Variants in TBC1D15 observed in about 807,000 individuals in gnomAD.
TBC1D15 encodes TBC1 domain family member 15.
In TBC1D15, 39 loss-of-function variants were observed where a neutral mutation model predicts 95.4. The observed-to-expected ratio is 0.41, with a 90% confidence interval of 0.32 to 0.53. The LOEUF is 0.53. Among genes scored for constraint, TBC1D15 ranks in the 20% least tolerant of loss-of-function variants. TBC1D15 has a pLI of 0.29. For synonymous variants in TBC1D15, 258 were observed against 261.3 expected, an observed-to-expected ratio of 0.99 and a Z score of 0.12; for missense variants, 733 against 794.3, an observed-to-expected ratio of 0.92 and a Z score of 0.93.
At chr12:71,919,387 C>T (rs1357436998) in intron 14 of TBC1D15, among the ~76,000 whole-genome samples, 1 of 151,952 alleles carries the variant, frequency 6.6e-6, no homozygotes, top group African/African-American at 2.4e-5. Flanking sequence ...AATGATTGAT[C>T]ATACCTTAGG....
At chr12:71,843,608 G>C (rs1261175496) in intron 1 of TBC1D15, among the ~76,000 whole-genome samples, 1 of 151,984 alleles carries the variant, frequency 6.6e-6, no homozygotes, top group Non-Finnish European at 1.5e-5. Context: ...GAGTTCTTTG[G>C]ATACAAGGGT....
chr12:71,915,467 A>G (rs1347373500), intron 12 of TBC1D15, among the ~76,000 whole-genome samples: 1 of 151,298 alleles, frequency 6.6e-6, no homozygotes, highest in Non-Finnish European at 1.5e-5. Flanking sequence ...AAAAAAAAAC[A>G]CAACTAAGAT....
At chr12:71,921,301 G>A (rs1287958781) in intron 15 of TBC1D15, 67 bp from the exon 16 acceptor site, 4 of 800,216 alleles carry the variant, frequency 5.0e-6, no homozygotes, top group Non-Finnish European at 7.3e-6. Flanking sequence ...GTAATAAATT[G>A]TTTATATAAT....
In TBC1D15 at chr12:71,839,773, G is replaced by A; in HGVS notation, c.-9G>A. 6.2e-7 allele frequency: 1 copy of A among 1,614,168 alleles called. No homozygotes were observed. The highest frequency in any genetic ancestry group is 8.5e-7 in the Non-Finnish European group (1 of 1,180,018). On this transcript the variant is annotated 5_prime_UTR_variant, in exon 1 of 17. Coordinates refer to ENST00000485960, the MANE Select transcript of TBC1D15 (RefSeq NM_001146213.3). ...TCTGCTACGTCATTACCAGGCACGC[G>A]CAGGAAACATGGCGGCGGCGGGTGT...
intron 1 of TBC1D15, among the ~76,000 whole-genome samples, chr12:71,858,585 T>A (rs908648473): frequency 1.3e-4 from 19 of 147,444 alleles, no homozygotes; most frequent in Middle Eastern, 3.2e-3. Context: ...AGATAGAGTC[T>A]CTTTGTTGCT....
chr12:71,879,386 C>T (rs990821274), intron 3 of TBC1D15, among the ~76,000 whole-genome samples: 2 of 152,166 alleles, frequency 1.3e-5, no homozygotes, highest in African/African-American at 4.8e-5. Flanking sequence ...CCACCCGCTT[C>T]GGTCTCCCAA....
At chr12:71,850,109 G>T in intron 1 of TBC1D15, 3 of 523,148 alleles carry the variant, frequency 5.7e-6, no homozygotes, top group Non-Finnish European at 1.1e-5. Context: ...AGACACTCTG[G>T]AGTTATCTCA....
At chr12:71,900,046 G>A (rs1259454958) in intron 10 of TBC1D15, among the ~76,000 whole-genome samples, 1 of 152,130 alleles carries the variant, frequency 6.6e-6, no homozygotes, top group African/African-American at 2.4e-5. Context: ...ATGAAATATG[G>A]GGTGTGAAGG....
At chr12:71,855,943 T>C (rs10784940) in intron 1 of TBC1D15, among the ~76,000 whole-genome samples, 46 of 145,042 alleles carry the variant, frequency 3.2e-4, no homozygotes, top group African/African-American at 9.4e-4. Context: ...TGGTTTTTTT[T>C]GGGGGGGGGT....
intron 11 of TBC1D15, among the ~76,000 whole-genome samples, chr12:71,909,400 G>T (rs1367891739): frequency 1.3e-5 from 2 of 152,152 alleles, no homozygotes; most frequent in Non-Finnish European, 2.9e-5. Flanking sequence ...TCTCAGTAGG[G>T]AGGAGTGAGA....
intron 12 of TBC1D15, among the ~76,000 whole-genome samples, chr12:71,914,941 C>G (rs757775886): frequency 6.2e-4 from 94 of 151,900 alleles, no homozygotes; most frequent in Non-Finnish European, 6.0e-4. Flanking sequence ...TCCATAGATT[C>G]AACTTGTTTT....
intron 16 of TBC1D15, among the ~76,000 whole-genome samples, chr12:71,922,119 C>G (rs1869609420): frequency 6.6e-6 from 1 of 152,044 alleles, no homozygotes; most frequent in African/African-American, 2.4e-5. Flanking sequence ...GAGTCTTGTT[C>G]TGTTGTCCAG....
At chr12:71,857,136 G>A (rs1248548363) in intron 1 of TBC1D15, among the ~76,000 whole-genome samples, 3 of 151,548 alleles carry the variant, frequency 2.0e-5, no homozygotes, top group Middle Eastern at 3.4e-3. Context: ...ATGGGGGTGG[G>A]GGGGCATCTT....
intron 12 of TBC1D15, 58 bp from the exon 13 acceptor site, chr12:71,917,640 A>G (rs969192853): frequency 1.1e-5 from 13 of 1,150,552 alleles, no homozygotes; most frequent in African/African-American, 6.2e-5. Context: ...GTTATCAGTC[A>G]TTATGTACTA....
At chr12:71,904,659 CATTT>C (rs1388011641) in intron 10 of TBC1D15, among the ~76,000 whole-genome samples, 3 of 152,024 alleles carry the variant, frequency 2.0e-5, no homozygotes, top group Non-Finnish European at 4.4e-5. Context: ...TATGGAAACT[CATTT>C]ATAGTGTTAG....
intron 1 of TBC1D15, chr12:71,849,364 A>G: frequency 7.2e-7 from 1 of 1,387,484 alleles, no homozygotes; most frequent in Non-Finnish European, 1.0e-6. Flanking sequence ...CTGTTGTCCA[A>G]GGAATGAAAG....
intron 12 of TBC1D15, among the ~76,000 whole-genome samples, chr12:71,915,189 C>G (rs1209132014): frequency 6.6e-6 from 1 of 151,824 alleles, no homozygotes; most frequent in Non-Finnish European, 1.5e-5. Flanking sequence ...CTCTAGAAAC[C>G]TGAGGCATTT....
chr12:71,846,438 A>G (rs923254750), intron 1 of TBC1D15, among the ~76,000 whole-genome samples: 1 of 152,076 alleles, frequency 6.6e-6, no homozygotes, highest in African/African-American at 2.4e-5. Context: ...CAAGCAAGGA[A>G]CTCTAATACC....
chr12:71,893,300 T>C lies in TBC1D15; in HGVS notation c.633T>C (p.Asp211=), dbSNP rs767145768. The stretch of plus-strand genomic sequence containing the variant: ...CACAGTCTTTTGAAAATCTTCTTGA[T>C]GAGCCAGCATATGGTTTAATACAAG... ...SLSQSFENLL[D]EPAYGLIQKI... is the part of the protein sequence containing the mutation. Residue 211 remains aspartate (D), a synonymous_variant, in exon 6 of 17, where the codon GAT becomes GAC. Transcript: ENST00000485960. The C allele has an allele frequency of 3.1e-6, 5 of 1,609,902 alleles. No individual in the cohort carries two copies. Among genetic ancestry groups the C allele is most frequent in the Middle Eastern group, 1.7e-4 (1 of 5,856 alleles).
Sources: allele counts gnomAD v4.1 joint callset (sites outside exome capture counted in the v4.1 genomes callset), GRCh38; gene constraint gnomAD v4.1.1; transcripts MANE v1.5; gene names NCBI Gene and HGNC (gene_info 2026-07-23, HGNC 2026-07-21).